Variants in TEKT4 observed in about 807,000 individuals in gnomAD.
The protein encoded by TEKT4 is tektin 4.
In TEKT4, 46 loss-of-function variants were observed where a neutral mutation model predicts 46.0. That is an observed-to-expected ratio of 1.00 (90% CI 0.79 to 1.28). TEKT4 has a LOEUF of 1.28. Among genes scored for constraint, TEKT4 ranks in the 50% most tolerant of loss-of-function variants. The pLI, the probability that TEKT4 is intolerant of heterozygous loss-of-function variation, is 0.00. For missense variants in TEKT4, 790 were observed against 622.9 expected (o/e 1.27, Z -2.85); for synonymous variants, 325 against 265.8 (o/e 1.22, Z -2.17).
chr2:94,875,565 AAGG>A lies in TEKT4; in HGVS notation c.937-20_937-18del. On this transcript the variant is annotated intron_variant, in intron 4 of 5. Transcript: ENST00000295201. ...TACCCGGGCATGGGGGCACAGGCCC[AAGG>A]AGAACTGTCCTGTCTGCAGACACTG... is the stretch of plus-strand genomic sequence containing the variant. The A allele has an allele frequency of 1.2e-6, 2 of 1,613,842 alleles. No individual in the cohort carries two copies. Among genetic ancestry groups the A allele is most frequent in the South Asian group, 1.1e-5 (1 of 91,074 alleles).
rs1220560991 is a variant in TEKT4 at position 94,875,494 on chromosome 2, C to T, written c.937-94C>T. 16 of 1,569,654 alleles carry T rather than the reference C, an allele frequency of 1.0e-5. No homozygotes were observed. The East Asian group carries it at 3.6e-4, about 35-fold the overall frequency. On this transcript the variant is annotated intron_variant, in intron 4 of 5. Transcript: ENST00000295201. ...ACTGGTCAGGACTGCCCTCTGGACACAGCCCCAAGACCTGGGTAGGACCAG... is the reference window on the plus strand; with the variant it reads ...ACTGGTCAGGACTGCCCTCTGGACATAGCCCCAAGACCTGGGTAGGACCAG...
chr2:94,875,823 A>C, intron 5 of TEKT4, 81 bp downstream of exon 5: 5 of 1,388,776 alleles, frequency 3.6e-6, no homozygotes, highest in Non-Finnish European at 5.0e-6. Context: ...ACACTCCAAC[A>C]CCCCGCACAC....
At chr2:94,872,169 G>C in intron 1 of TEKT4, 92 bp downstream of exon 1, 1 of 1,437,978 alleles carries the variant, frequency 7.0e-7, no homozygotes, top group East Asian at 2.5e-5. Flanking sequence ...CGTGGCTGCT[G>C]CAAGCACGCG....
rs782191886 is a variant in TEKT4 at position 94,871,747 on chromosome 2, C to T, written c.168C>T (p.Phe56=). The change falls in exon 1 of 6, where the codon TTC becomes TTT. Residue 56 remains phenylalanine (F), a synonymous_variant. Transcript: ENST00000295201. ...QNCYARYHQA[F]ADRDQSERQR... ...GCTATGCTCGCTACCACCAGGCCTT[C>T]GCCGACCGCGACCAGTCGGAGCGGC... 14 of 1,612,512 alleles carry T rather than the reference C, an allele frequency of 8.7e-6. No individual in the cohort carries two copies. The highest frequency in any genetic ancestry group is 2.7e-5 in the African/African-American group (2 of 74,936).
rs77146392 is a variant in TEKT4, at chr2:94,874,182, G to A, written c.713+74G>A. On this transcript the variant is annotated intron_variant, in intron 3 of 5. Transcript: ENST00000295201. ...CCCTCTGCCTGGGGGCCCCAGCGGC[G>A]CTGCTTTCACCAGCCTGGCCCGGAG... 1.9e-4 allele frequency: 287 copies of A among 1,546,966 alleles called. 1 individual carries two copies. The highest frequency in any genetic ancestry group is 4.5e-4 in the Middle Eastern group (2 of 4,448).
At chr2:94,873,006 C>T (rs1287384354) in intron 1 of TEKT4, 17 of 1,289,276 alleles carry the variant, frequency 1.3e-5, no homozygotes, top group Non-Finnish European at 1.7e-5. Context: ...AGGCAAAGAC[C>T]CCAATCACAG....
Position 94,871,439 on chromosome 2 carries a change from A to G in TEKT4, c.-141A>G, listed in dbSNP as rs1175838720. On this transcript the variant is annotated 5_prime_UTR_variant, in exon 1 of 6. Coordinates refer to ENST00000295201, the MANE Select transcript of TEKT4 (RefSeq NM_144705.4). ...GCAACAGGAAGCTCTTGGTTTACACAGTGTCACCCAAGCGACTGGGAGCCG... is the reference window on the plus strand; with the variant it reads ...GCAACAGGAAGCTCTTGGTTTACACGGTGTCACCCAAGCGACTGGGAGCCG... The G allele has an allele frequency of 2.8e-6, 3 of 1,065,314 alleles. No individual in the cohort carries two copies. The highest frequency in any genetic ancestry group is 1.6e-5 in the African/African-American group (1 of 61,506). 66.0% of individuals were successfully genotyped at this position (1,065,314 alleles called of 1,614,324 possible). A position where few individuals can be genotyped will look rare whatever the true frequency, so the allele number is the denominator to read the frequency against.
intron 1 of TEKT4, chr2:94,872,967 C>G (rs1680646073): frequency 1.6e-6 from 2 of 1,289,452 alleles, no homozygotes; most frequent in Non-Finnish European, 2.0e-6. Context: ...GACCCGGGCC[C>G]TGGCACACAA....
chr2:94,876,372 C>T (rs1553396545), intron 5 of TEKT4, among the ~76,000 whole-genome samples, 181 bp from the exon 6 acceptor site: 1 of 152,160 alleles, frequency 6.6e-6, no homozygotes. Context: ...GCCCACGCTC[C>T]CTGGGAGGAC....
At chr2:94,874,755 T>C in intron 3 of TEKT4, 21 bp from the exon 4 acceptor site, 1 of 1,537,894 alleles carries the variant, frequency 6.5e-7, no homozygotes, top group African/African-American at 1.4e-5. Flanking sequence ...GACCCTCTCC[T>C]GGCTGTCCCC....
At position 94,876,798 on chromosome 2, in the gene TEKT4, C is replaced by T. The variant is rs1680879161; in HGVS notation, c.*29C>T. ...GCGGCACGGTGCTTCCCCCCAGTCCCCCAAATAAACAGCGCGTTAGCTTTC... is the reference window on the plus strand; with the variant it reads ...GCGGCACGGTGCTTCCCCCCAGTCCTCCAAATAAACAGCGCGTTAGCTTTC... On this transcript the variant is annotated 3_prime_UTR_variant, in exon 6 of 6. Coordinates refer to ENST00000295201, the MANE Select transcript of TEKT4 (RefSeq NM_144705.4). 6.3e-7 allele frequency: 1 copy of T among 1,589,394 alleles called. No individual in the cohort carries two copies. Among genetic ancestry groups the T allele is most frequent in the Non-Finnish European group, 8.5e-7 (1 of 1,170,640 alleles).
Position 94,871,984 on chromosome 2 carries a change from G to T in TEKT4, c.405G>T (p.Val135=). The change falls in exon 1 of 6, where the codon GTG becomes GTT. Residue 135 remains valine, a synonymous_variant. Transcript: ENST00000295201. ...RLERALDATE[V]PFSITTDNLQ... ...AGCGCGCCCTGGACGCCACAGAGGT[G>T]CCCTTCTCCATCACCACTGACAACC... 1 of 1,601,060 alleles carries T rather than the reference G, an allele frequency of 6.2e-7. No homozygotes were observed. Among genetic ancestry groups the T allele is most frequent in the Non-Finnish European group, 8.5e-7 (1 of 1,176,018 alleles).
Position 94,876,791 on chromosome 2 carries a change from C to G in TEKT4, c.*22C>G. ...GTGAGCAGCGGCACGGTGCTTCCCC[C>G]CAGTCCCCCAAATAAACAGCGCGTT... On this transcript the variant is annotated 3_prime_UTR_variant, in exon 6 of 6. Coordinates refer to ENST00000295201, the MANE Select transcript of TEKT4 (RefSeq NM_144705.4). The G allele has an allele frequency of 6.3e-7, 1 of 1,596,358 alleles. No homozygotes were observed. The highest frequency in any genetic ancestry group is 1.3e-5 in the African/African-American group (1 of 74,886).
intron 4 of TEKT4, 34 bp from the exon 5 acceptor site, chr2:94,875,554 G>T (rs1553396182): frequency 6.2e-7 from 1 of 1,613,188 alleles, no homozygotes; most frequent in East Asian, 2.2e-5. Flanking sequence ...CGGGCATGGG[G>T]GCACAGGCCC....
intron 3 of TEKT4, 50 bp downstream of exon 3, chr2:94,874,158 C>T (rs781792380): frequency 1.9e-6 from 3 of 1,591,252 alleles, no homozygotes; most frequent in South Asian, 2.2e-5. Context: ...GTCTCGCCTC[C>T]CTCTGCCTGG....
In TEKT4 at chr2:94,871,592, G is replaced by A. The variant is rs376333361; in HGVS notation, c.13G>A (p.Val5Met). Reference protein sequence around the residue: MAQTVPPCELPCKEY... With the variant: MAQTMPPCELPCKEY... ...GGCGGCAGGCACCATGGCGCAGACAGTGCCGCCCTGCGAGCTGCCCTGCAA... is the reference window on the plus strand; with the variant it reads ...GGCGGCAGGCACCATGGCGCAGACAATGCCGCCCTGCGAGCTGCCCTGCAA... The change falls in exon 1 of 6, where the codon GTG becomes ATG. Residue 5 changes from valine (V) to methionine (M), a missense_variant. Val to Met is a conservative substitution (Grantham distance 21, BLOSUM62 1). Coordinates refer to ENST00000295201, the MANE Select transcript of TEKT4 (RefSeq NM_144705.4). The A allele has an allele frequency of 1.2e-6, 2 of 1,606,536 alleles. No homozygotes were observed. The highest frequency in any genetic ancestry group is 2.2e-5 in the East Asian group (1 of 44,756).
Position 94,876,726 on chromosome 2 carries a change from G to T in TEKT4, c.1265G>T (p.Arg422Leu). 1 of 1,610,918 alleles carries T rather than the reference G, an allele frequency of 6.2e-7. No homozygotes were observed. Residue 422 changes from arginine to leucine, a missense_variant, in exon 6 of 6, where the codon CGT becomes CTT. Coordinates refer to ENST00000295201, the MANE Select transcript of TEKT4 (RefSeq NM_144705.4). ...FIDRQKCMAH[R>L]TRYPTILQLA... ...GACCGCCAGAAGTGCATGGCCCATC[G>T]TACTCGCTACCCCACCATCCTGCAG...
rs1553394660 is a variant in TEKT4, at chr2:94,871,910, G to GCGCTGGC, written c.332_338dup (p.Glu115GlyfsTer30). The GCGCTGGC allele has an allele frequency of 1.9e-6, 3 of 1,597,502 alleles. No individual in the cohort carries two copies. The highest frequency in any genetic ancestry group is 2.5e-6 in the Non-Finnish European group (3 of 1,176,566). On this transcript the variant is annotated frameshift_variant, in exon 1 of 6. Transcript: ENST00000295201. LOFTEE classifies it high-confidence loss of function. ...GTCGGAGCTGCAGCGTGAGATGGAG[G>GCGCTGGC]CGCTGGCTGCGGAGACCAACTTGCT...
rs376082797 is a variant in TEKT4 at position 94,872,048 on chromosome 2, C to G, written c.469C>G (p.Arg157Gly). 10 of 1,553,758 alleles carry G rather than the reference C, an allele frequency of 6.4e-6. No homozygotes were observed. The highest frequency in any genetic ancestry group is 8.7e-6 in the Non-Finnish European group (10 of 1,149,918). Residue 157 changes from arginine (R) to glycine (G), a missense_variant, in exon 1 of 6, where the codon CGC becomes GGC. Coordinates refer to ENST00000295201, the MANE Select transcript of TEKT4 (RefSeq NM_144705.4). ...GCGCCGCGAGCACCCCAACCTCGTG[C>G]GCGACCATGTGGAAACGGAGCTGCT... is the stretch of plus-strand genomic sequence containing the variant. ...RERREHPNLV[R>G]DHVETELLKE...
Sources: gnomAD v4.1 joint callset for allele counts (sites outside exome capture counted in the v4.1 genomes callset) on GRCh38, gnomAD v4.1.1 for gene constraint, MANE v1.5 for transcripts, NCBI Gene and HGNC (gene_info 2026-07-23, HGNC 2026-07-21) for gene names.